RBPMS2: variants seen among roughly 807,000 people sequenced by gnomAD.
RBPMS2 encodes RNA binding protein, mRNA processing factor 2.
Under a neutral mutation model 25.7 loss-of-function variants are expected in RBPMS2, and 14 were observed. The observed-to-expected ratio is 0.55, with a 90% confidence interval of 0.36 to 0.85. The LOEUF is 0.85. RBPMS2 is among the 40% of genes least tolerant of loss of function. The pLI is 0.01. For missense variants in RBPMS2, 252 were observed against 283.4 expected, an observed-to-expected ratio of 0.89 and a Z score of 0.80; for synonymous variants, 127 against 115.6, an observed-to-expected ratio of 1.10 and a Z score of -0.63.
At chr15:64,741,093 G>T in intron 7 of RBPMS2, 80 bp downstream of exon 7, 1 of 1,121,172 alleles carries the variant, frequency 8.9e-7, no homozygotes, top group Non-Finnish European at 1.3e-6. Context: ...CTTGAGACCC[G>T]GGGCAGAGGG....
At chr15:64,753,801 G>A (rs2083705600) in intron 1 of RBPMS2, among the ~76,000 whole-genome samples, 1 of 152,128 alleles carries the variant, frequency 6.6e-6, no homozygotes, top group South Asian at 2.1e-4. Context: ...GTCCCACGGA[G>A]ACACCACTCG....
chr15:64,742,057 G>A (rs369002083), intron 6 of RBPMS2, among the ~76,000 whole-genome samples: 1 of 46,178 alleles, frequency 2.2e-5, no homozygotes, highest in Non-Finnish European at 1.6e-4. Flanking sequence ...CCAGCTACTC[G>A]GGAGGCTGAG....
At chr15:64,763,127 C>T (rs1316306852) in intron 1 of RBPMS2, among the ~76,000 whole-genome samples, 1 of 152,130 alleles carries the variant, frequency 6.6e-6, no homozygotes, top group Non-Finnish European at 1.5e-5. Context: ...TTGGCACCAG[C>T]AGGTTGCTCT....
chr15:64,747,934 G>A (rs954575186), intron 6 of RBPMS2, among the ~76,000 whole-genome samples: 13 of 152,204 alleles, frequency 8.5e-5, no homozygotes, highest in East Asian at 1.9e-4. Context: ...TAGTCACTTC[G>A]TCTTGACATC....
intron 1 of RBPMS2, among the ~76,000 whole-genome samples, chr15:64,759,115 A>G (rs1021868106): frequency 4.7e-5 from 7 of 150,528 alleles, no homozygotes; most frequent in South Asian, 2.1e-4. Flanking sequence ...ACCTCTCCCC[A>G]CCTCCCCGGG....
chr15:64,750,422 G>A lies in RBPMS2; in HGVS notation c.166-41C>T, dbSNP rs563396688. The A allele has an allele frequency of 1.2e-5, 19 of 1,583,452 alleles. No individual in the cohort carries two copies. The East Asian group carries it at 1.3e-4, about 11-fold the overall frequency. On this transcript the variant is annotated intron_variant, in intron 2 of 7. Coordinates refer to ENST00000300069, the MANE Select transcript of RBPMS2 (RefSeq NM_194272.3). ...GCTGTTACCGTGGAAGGTCAGAAGC[G>A]TATGTTGTGCTAGCCCAGCGCTGCC...
intron 1 of RBPMS2, among the ~76,000 whole-genome samples, chr15:64,759,977 C>T (rs1043372839): frequency 4.6e-5 from 7 of 152,202 alleles, no homozygotes; most frequent in African/African-American, 9.6e-5. Context: ...CAGGCCTACT[C>T]GGCCTGTGTC....
chr15:64,759,200 C>T (rs780481488), intron 1 of RBPMS2, among the ~76,000 whole-genome samples: 4 of 152,202 alleles, frequency 2.6e-5, no homozygotes, highest in Admixed American at 6.5e-5. Flanking sequence ...AGCACAGCAC[C>T]TGGGTGGCAC....
intron 6 of RBPMS2, among the ~76,000 whole-genome samples, chr15:64,743,060 G>A (rs771873638): frequency 6.6e-6 from 1 of 152,254 alleles, no homozygotes; most frequent in African/African-American, 2.4e-5. Context: ...AGAGAAGCCG[G>A]CGGCTGGCAC....
In RBPMS2 at chr15:64,749,042, C is replaced by T. The variant is rs1253511028; in HGVS notation, c.376G>A (p.Val126Met). 6.8e-6 allele frequency: 11 copies of T among 1,614,008 alleles called. No individual in the cohort carries two copies. The Admixed American group carries it at 8.3e-5, about 12-fold the overall frequency. ...AAGTGTGCTCCTAGGGCGGGGTGCA[C>T]GTTGCTGGGATTTGGAGTTGCCATT... Reference protein sequence around the residue: ...KLMATPNPSNVHPALGAHFIA... With the variant: ...KLMATPNPSNMHPALGAHFIA... Residue 126 changes from valine to methionine, a missense_variant, in exon 5 of 8, where the codon GTG becomes ATG. Transcript: ENST00000300069.
chr15:64,775,098 C>T (rs943468533), intron 1 of RBPMS2, 135 bp downstream of exon 1: 6 of 381,352 alleles, frequency 1.6e-5, no homozygotes, highest in African/African-American at 2.1e-5. Context: ...CCTACCCGGG[C>T]GAGAGGGCAG....
intron 1 of RBPMS2, among the ~76,000 whole-genome samples, chr15:64,772,668 C>T (rs1412462444): frequency 6.6e-6 from 1 of 152,168 alleles, no homozygotes; most frequent in Non-Finnish European, 1.5e-5. Flanking sequence ...AATGCCTTTT[C>T]CACCCCCACA....
Position 64,751,601 on chromosome 15 carries a change from A to G in RBPMS2, c.125T>C (p.Ile42Thr). 1 of 1,613,994 alleles carries G rather than the reference A, an allele frequency of 6.2e-7. No homozygotes were observed. Among genetic ancestry groups the G allele is most frequent in the Non-Finnish European group, 8.5e-7 (1 of 1,179,984 alleles). The change falls in exon 2 of 8, where the codon ATT becomes ACT. Residue 42 changes from isoleucine (I) to threonine (T), a missense_variant. By Grantham distance (89) the Ile-to-Thr change is moderately conservative. Coordinates refer to ENST00000300069, the MANE Select transcript of RBPMS2 (RefSeq NM_194272.3). ...TLFVSGLPVDIKPRELYLLFR... is the reference protein window; with the variant it reads ...TLFVSGLPVDTKPRELYLLFR... ...GAGCAAGTAGAGTTCTCTGGGTTTAATGTCCACAGGGAGGCCGCTGACAAA... is the reference window on the plus strand; with the variant it reads ...GAGCAAGTAGAGTTCTCTGGGTTTAGTGTCCACAGGGAGGCCGCTGACAAA...
intron 6 of RBPMS2, among the ~76,000 whole-genome samples, chr15:64,743,191 T>TG (rs973294392): frequency 3.9e-5 from 6 of 152,194 alleles, no homozygotes; most frequent in Non-Finnish European, 1.5e-5. Flanking sequence ...GGGGAGAACA[T>TG]GGACGACAGA....
chr15:64,768,715 TGAGCCCAG>T (rs1216088234), intron 1 of RBPMS2, among the ~76,000 whole-genome samples: 3 of 151,446 alleles, frequency 2.0e-5, no homozygotes, highest in Non-Finnish European at 4.4e-5. Flanking sequence ...GAAGATCATT[TGAGCCCAG>T]GAGATCGAGG....
At chr15:64,774,215 T>C (rs1490921030) in intron 1 of RBPMS2, among the ~76,000 whole-genome samples, 1 of 152,126 alleles carries the variant, frequency 6.6e-6, no homozygotes, top group East Asian at 1.9e-4. Flanking sequence ...GCGCCCAAGG[T>C]GGATAACCAG....
At chr15:64,749,229 C>A in intron 4 of RBPMS2, 79 bp from the exon 5 acceptor site, 1 of 1,549,970 alleles carries the variant, frequency 6.5e-7, no homozygotes, top group Non-Finnish European at 8.9e-7. Context: ...GAGAAGGGCG[C>A]CATAAACAAG....
intron 1 of RBPMS2, among the ~76,000 whole-genome samples, chr15:64,766,869 C>T (rs965768646): frequency 1.2e-4 from 18 of 152,016 alleles, no homozygotes; most frequent in East Asian, 9.7e-4. Flanking sequence ...AAGTGGCCTC[C>T]GCCTCCCAAG....
chr15:64,740,571 G>C lies in RBPMS2; in HGVS notation c.*437C>G, dbSNP rs1416637792. The stretch of plus-strand genomic sequence containing the variant: ...AGGCAGGATGAACCACTGGGAGCCA[G>C]GACCTGTCGCTATGGTGACAGTGTG... On this transcript the variant is annotated 3_prime_UTR_variant, in exon 8 of 8. Transcript: ENST00000300069. 1 of 152,942 alleles carries C rather than the reference G, an allele frequency of 6.5e-6. No homozygotes were observed. Among genetic ancestry groups the C allele is most frequent in the Non-Finnish European group, 1.5e-5 (1 of 68,270 alleles). 9.5% of individuals were successfully genotyped at this position (152,942 alleles called of 1,614,324 possible).
Sources: gnomAD v4.1 joint callset for allele counts (sites outside exome capture counted in the v4.1 genomes callset) on GRCh38, gnomAD v4.1.1 for gene constraint, MANE v1.5 for transcripts, NCBI Gene and HGNC (gene_info 2026-07-23, HGNC 2026-07-21) for gene names.